RLN3: variants seen among roughly 807,000 people sequenced by gnomAD.
The protein encoded by RLN3 is relaxin-3.
In RLN3, 13 loss-of-function variants were observed where a neutral mutation model predicts 10.2. That is an observed-to-expected ratio of 1.28 (90% CI 0.83 to 2.03). The LOEUF (loss-of-function observed/expected upper bound fraction) is 2.03. Ranked by LOEUF, RLN3 falls within the 30% of genes most tolerant of loss-of-function variation. RLN3 has a pLI of 0.00. For missense variants in RLN3, 191 were observed against 187.2 expected, an observed-to-expected ratio of 1.02 and a Z score of -0.12; for synonymous variants, 56 against 79.2, an observed-to-expected ratio of 0.71 and a Z score of 1.56.
At position 14,030,902 on chromosome 19, in the gene RLN3, G is replaced by A. The variant is rs757022443; in HGVS notation, c.383G>A (p.Cys128Tyr). Residue 128 changes from cysteine (C) to tyrosine (Y), a missense_variant, in exon 2 of 2, where the codon TGC (cysteine) becomes TAC (tyrosine). Transcript: ENST00000431365. Reference protein sequence around the residue: ...RDVLAGLSSSCCKWGCSKSEI... With the variant: ...RDVLAGLSSSYCKWGCSKSEI... ...GTCCTGGCTGGCCTTTCCAGCAGCTGCTGCAAGTGGGGGTGTAGCAAAAGT... is the reference window on the plus strand; with the variant it reads ...GTCCTGGCTGGCCTTTCCAGCAGCTACTGCAAGTGGGGGTGTAGCAAAAGT... 6.3e-7 allele frequency: 1 copy of A among 1,595,940 alleles called. No individual in the cohort carries two copies. Among genetic ancestry groups the A allele is most frequent in the Non-Finnish European group, 8.6e-7 (1 of 1,169,150 alleles).
chr19:14,030,364 G>T (rs754701240), intron 1 of RLN3: 55 of 691,814 alleles, frequency 8.0e-5, no homozygotes, highest in South Asian at 6.8e-4. Context: ...AGAGTAAGGA[G>T]AAATAAATGA....
In RLN3 at chr19:14,031,072, C is replaced by T. The variant is rs1373963669; in HGVS notation, c.*124C>T. ...CATTCATTCATTCATCTACAAGTCA[C>T]AGAGGCACTGTGGGCTCAGGCACAG... On this transcript the variant is annotated 3_prime_UTR_variant, in exon 2 of 2. Transcript: ENST00000431365. 1.1e-5 allele frequency: 8 copies of T among 738,020 alleles called. No homozygotes were observed. The highest frequency in any genetic ancestry group is 1.8e-5 in the Non-Finnish European group (8 of 437,536). The allele number at this position is 738,020 out of a possible 1,614,324, so 45.7% of individuals were successfully genotyped here. A position where few individuals can be genotyped will look rare whatever the true frequency, so the allele number is the denominator to read the frequency against.
intron 1 of RLN3, among the ~76,000 whole-genome samples, chr19:14,029,772 A>G (rs1157770238): frequency 6.6e-6 from 1 of 151,594 alleles, no homozygotes; most frequent in Non-Finnish European, 1.5e-5. Flanking sequence ...TAAAGCACTT[A>G]AAACGTTGTT....
In RLN3 at chr19:14,028,409, A is replaced by G; in HGVS notation, c.190+15A>G. 1 of 1,600,006 alleles carries G rather than the reference A, an allele frequency of 6.2e-7. No individual in the cohort carries two copies. Among genetic ancestry groups the G allele is most frequent in the South Asian group, 1.1e-5 (1 of 88,982 alleles). On this transcript the variant is annotated intron_variant, in intron 1 of 1. Transcript: ENST00000431365. Reference sequence around the variant, plus strand: ...CGAGGCTATGGGTGAGGCTGGGGAGAGAGTGGATGTAGAAGGGGAACAGGT... The same window carrying G: ...CGAGGCTATGGGTGAGGCTGGGGAGGGAGTGGATGTAGAAGGGGAACAGGT...
chr19:14,031,187 G>C lies in RLN3; in HGVS notation c.*239G>C. 1.9e-6 allele frequency: 1 copy of C among 518,376 alleles called. No homozygotes were observed. 32.1% of individuals were successfully genotyped at this position (518,376 alleles called of 1,614,324 possible). ...AAGCTGTGCCCCTGCCTGGTCAAGT[G>C]GGGACCCCCCCATCCTGACCCCTGA... On this transcript the variant is annotated 3_prime_UTR_variant, in exon 2 of 2. Coordinates refer to ENST00000431365, the MANE Select transcript of RLN3 (RefSeq NM_080864.4).
At position 14,031,233 on chromosome 19, in the gene RLN3, T is replaced by G; in HGVS notation, c.*285T>G. The stretch of plus-strand genomic sequence containing the variant: ...CCTGACCTCTCCCCAGCCCTAACCA[T>G]GCGTTTGCCTGGCCTACACACTCCA... On this transcript the variant is annotated 3_prime_UTR_variant, in exon 2 of 2. Coordinates refer to ENST00000431365, the MANE Select transcript of RLN3 (RefSeq NM_080864.4). The G allele has an allele frequency of 2.5e-6, 1 of 399,640 alleles. No homozygotes were observed. Among genetic ancestry groups the G allele is most frequent in the Non-Finnish European group, 4.5e-6 (1 of 220,782 alleles). The allele number at this position is 399,640 out of a possible 1,614,324, so 24.8% of individuals were successfully genotyped here.
rs111732888 is a variant in RLN3, at chr19:14,031,191, A to AC, written c.*250dup. On this transcript the variant is annotated 3_prime_UTR_variant, in exon 2 of 2. Coordinates refer to ENST00000431365, the MANE Select transcript of RLN3 (RefSeq NM_080864.4). ...TGTGCCCCTGCCTGGTCAAGTGGGG[A>AC]CCCCCCCATCCTGACCCCTGACCTC... is the stretch of plus-strand genomic sequence containing the variant. The AC allele has an allele frequency of 0.073, 36,599 of 498,556 alleles. 1,665 individuals carry two copies. Among genetic ancestry groups the AC allele is most frequent in the Admixed American group, 0.14 (3,758 of 27,048 alleles). The allele number at this position is 498,556 out of a possible 1,614,324, so 30.9% of individuals were successfully genotyped here.
At position 14,030,916 on chromosome 19, in the gene RLN3, T is replaced by C; in HGVS notation, c.397T>C (p.Cys133Arg). ...TTCCAGCAGCTGCTGCAAGTGGGGG[T>C]GTAGCAAAAGTGAAATCAGTAGCCT... Reference protein sequence around the residue: ...GLSSSCCKWGCSKSEISSLC With the variant: ...GLSSSCCKWGRSKSEISSLC Residue 133 changes from cysteine (C) to arginine (R), a missense_variant, in exon 2 of 2, where the codon TGT becomes CGT. Coordinates refer to ENST00000431365, the MANE Select transcript of RLN3 (RefSeq NM_080864.4). The C allele has an allele frequency of 1.3e-6, 2 of 1,587,192 alleles. No individual in the cohort carries two copies. Among genetic ancestry groups the C allele is most frequent in the South Asian group, 2.3e-5 (2 of 88,112 alleles).
chr19:14,028,505 G>A (rs1975750894), intron 1 of RLN3, 111 bp downstream of exon 1: 2 of 911,954 alleles, frequency 2.2e-6, no homozygotes, highest in East Asian at 2.7e-5. Context: ...TCCCTGTCCT[G>A]CCACATTCAG....
At chr19:14,028,743 C>A (rs1211174535) in intron 1 of RLN3, among the ~76,000 whole-genome samples, 1 of 152,088 alleles carries the variant, frequency 6.6e-6, no homozygotes, top group African/African-American at 2.4e-5. Flanking sequence ...AATGCATGAC[C>A]TCTCCCCAGC....
chr19:14,030,620 C>G, intron 1 of RLN3, 90 bp from the exon 2 acceptor site: 1 of 1,117,878 alleles, frequency 8.9e-7, no homozygotes, highest in Non-Finnish European at 1.4e-6. Flanking sequence ...TGACTGTTGT[C>G]ACAAGATCAG....
In RLN3 at chr19:14,031,488, CT is replaced by C. The variant is rs1213094880; in HGVS notation, c.*541del. ...CCAGAGAAGGTGGCAGGTGGCCCCC[CT>C]AGGAGAGCTCTGGGCACATTCGAAT... On this transcript the variant is annotated 3_prime_UTR_variant, in exon 2 of 2. Coordinates refer to ENST00000431365, the MANE Select transcript of RLN3 (RefSeq NM_080864.4). 2 of 270,242 alleles carry C rather than the reference CT, an allele frequency of 7.4e-6. No homozygotes were observed. Among genetic ancestry groups the C allele is most frequent in the East Asian group, 8.5e-5 (1 of 11,724 alleles). The allele number at this position is 270,242 out of a possible 1,614,324, so 16.7% of individuals were successfully genotyped here. A position where few individuals can be genotyped will look rare whatever the true frequency, so the allele number is the denominator to read the frequency against.
intron 1 of RLN3, among the ~76,000 whole-genome samples, chr19:14,028,675 A>G (rs1477538335): frequency 6.6e-6 from 1 of 152,080 alleles, no homozygotes; most frequent in African/African-American, 2.4e-5. Flanking sequence ...GTGTTTTCCA[A>G]CCCTTTCCAG....
intron 1 of RLN3, chr19:14,030,182 A>T: frequency 3.1e-6 from 2 of 638,114 alleles, no homozygotes; most frequent in Admixed American, 5.3e-5. Context: ...TTTTTTTTTA[A>T]TGAATATTAA....
intron 1 of RLN3, among the ~76,000 whole-genome samples, chr19:14,029,355 A>T (rs999282396): frequency 1.4e-5 from 2 of 143,224 alleles, no homozygotes; most frequent in African/African-American, 5.1e-5. Context: ...ATGTGCTACT[A>T]TTTTTTTTTT....
chr19:14,029,461 C>A (rs778718265), intron 1 of RLN3, among the ~76,000 whole-genome samples: 1 of 151,582 alleles, frequency 6.6e-6, no homozygotes, highest in Non-Finnish European at 1.5e-5. Flanking sequence ...AAGCGATTCT[C>A]GTGCCTCCAG....
intron 1 of RLN3, chr19:14,030,371 A>G (rs1975780359): frequency 1.5e-6 from 1 of 686,506 alleles, no homozygotes; most frequent in African/African-American, 1.8e-5. Context: ...GGAGAAATAA[A>G]TGACAGGGCT....
At chr19:14,028,476 G>A in intron 1 of RLN3, 82 bp downstream of exon 1, 8 of 1,281,402 alleles carry the variant, frequency 6.2e-6, no homozygotes, top group Middle Eastern at 2.0e-4. Flanking sequence ...GATAAGAGGA[G>A]GTTGCTGGAG....
intron 1 of RLN3, 75 bp downstream of exon 1, chr19:14,028,469 A>G (rs1975750413): frequency 2.9e-6 from 4 of 1,359,384 alleles, no homozygotes; most frequent in Non-Finnish European, 4.1e-6. Context: ...GGACAGAGAT[A>G]AGAGGAGGTT....
Sources: allele counts gnomAD v4.1 joint callset (sites outside exome capture counted in the v4.1 genomes callset), GRCh38; gene constraint gnomAD v4.1.1; transcripts MANE v1.5; gene names NCBI Gene and HGNC (gene_info 2026-07-23, HGNC 2026-07-21).